Variants in CRYZ observed in about 807,000 individuals in gnomAD.
CRYZ encodes the protein crystallin zeta.
CRYZ carries 35 observed loss-of-function variants against 34.1 expected under a neutral mutation model. The ratio of observed to expected loss-of-function variants is 1.03; its 90% CI spans 0.78 to 1.36. The LOEUF (loss-of-function observed/expected upper bound fraction) is 1.36. Among genes scored for constraint, CRYZ ranks in the 40% most tolerant of loss-of-function variants. The pLI, the probability that CRYZ is intolerant of heterozygous loss-of-function variation, is 0.00. For missense variants in CRYZ, 403 were observed against 391.8 expected, an observed-to-expected ratio of 1.03 and a Z score of -0.24; for synonymous variants, 137 against 136.5, an observed-to-expected ratio of 1.00 and a Z score of -0.03.
At chr1:74,714,544 A>G (rs774209827) in intron 5 of CRYZ, 35 bp downstream of exon 5, 1 of 1,598,178 alleles carries the variant, frequency 6.3e-7, no homozygotes, top group Non-Finnish European at 8.6e-7. Context: ...CATAAACCCA[A>G]GCTTGTTTCA....
intron 1 of CRYZ, among the ~76,000 whole-genome samples, chr1:74,727,287 C>G (rs1214061609): frequency 7.0e-6 from 1 of 143,660 alleles, no homozygotes; most frequent in Non-Finnish European, 1.6e-5. Flanking sequence ...TTTAAGGGAT[C>G]ACAGTTTCAC....
chr1:74,722,564 C>T (rs1272623618), intron 3 of CRYZ, among the ~76,000 whole-genome samples: 1 of 151,026 alleles, frequency 6.6e-6, no homozygotes, highest in Non-Finnish European at 1.5e-5. Context: ...GATGCTAGGA[C>T]ATGAGCTTAC....
chr1:74,720,115 G>A (rs901776394), intron 3 of CRYZ, among the ~76,000 whole-genome samples: 42 of 152,054 alleles, frequency 2.8e-4, no homozygotes, highest in African/African-American at 9.9e-4. Context: ...AGATCAAGCA[G>A]CTAGTAAATA....
At chr1:74,723,727 T>C (rs1647208370) in intron 2 of CRYZ, among the ~76,000 whole-genome samples, 1 of 152,220 alleles carries the variant, frequency 6.6e-6, no homozygotes, top group African/African-American at 2.4e-5. Flanking sequence ...TCTTCTTCCA[T>C]GGAGACCCTG....
At chr1:74,714,654 A>C in intron 4 of CRYZ, 24 bp from the exon 5 acceptor site, 6 of 1,612,548 alleles carry the variant, frequency 3.7e-6, no homozygotes, top group Non-Finnish European at 5.1e-6. Flanking sequence ...CATAAGTTAC[A>C]TCACCTTATT....
chr1:74,719,452 AATAAG>A, intron 3 of CRYZ, 80 bp from the exon 4 acceptor site: 1 of 1,323,160 alleles, frequency 7.6e-7, no homozygotes, highest in South Asian at 1.4e-5. Flanking sequence ...TATAACAAGA[AATAAG>A]TGAGTACTCA....
chr1:74,719,445 A>G (rs1295263324), intron 3 of CRYZ, 73 bp from the exon 4 acceptor site: 8 of 1,390,202 alleles, frequency 5.8e-6, no homozygotes, highest in Non-Finnish European at 6.8e-6. Context: ...AATCCTTTAT[A>G]ACAAGAAATA....
chr1:74,716,583 G>A (rs1647078678), intron 4 of CRYZ, among the ~76,000 whole-genome samples: 1 of 152,122 alleles, frequency 6.6e-6, no homozygotes. Context: ...CTCTCTCCCA[G>A]GGCTTAACTA....
At chr1:74,718,464 C>G (rs1407570314) in intron 4 of CRYZ, among the ~76,000 whole-genome samples, 3 of 152,096 alleles carry the variant, frequency 2.0e-5, no homozygotes, top group South Asian at 2.1e-4. Context: ...TCTTTTACAA[C>G]CTGAATTCTA....
At chr1:74,715,006 G>C (rs1225799366) in intron 4 of CRYZ, among the ~76,000 whole-genome samples, 2 of 152,030 alleles carry the variant, frequency 1.3e-5, no homozygotes, top group Non-Finnish European at 2.9e-5. Flanking sequence ...CCTCAAAGCA[G>C]GTTTATTATA....
At chr1:74,727,339 G>A (rs564219411) in intron 1 of CRYZ, among the ~76,000 whole-genome samples, 1 of 149,332 alleles carries the variant, frequency 6.7e-6, no homozygotes, top group Admixed American at 6.8e-5. Flanking sequence ...GGAGAACAAA[G>A]GCACAACTTG....
At chr1:74,713,723 C>A (rs1462675854) in intron 5 of CRYZ, among the ~76,000 whole-genome samples, 2 of 152,148 alleles carry the variant, frequency 1.3e-5, no homozygotes, top group African/African-American at 4.8e-5. Context: ...TTACTTCTTT[C>A]AATCCACTCT....
chr1:74,715,908 GT>G lies in CRYZ; in HGVS notation c.429-1279del, dbSNP rs554351801. On this transcript the variant is annotated intron_variant, in intron 4 of 8. Transcript: ENST00000340866. The stretch of plus-strand genomic sequence containing the variant: ...AACATTACTCTGTTACAGAAACAGT[GT>G]TTTTTTTTTTTTTTCGAATGAGATT... Among the ~76,000 whole-genome samples, 1,077 of 135,032 alleles carry G rather than the reference GT, an allele frequency of 8.0e-3. 8 individuals are homozygous for G. Among genetic ancestry groups the G allele is most frequent in the African/African-American group, 0.021 (771 of 36,754 alleles). 88.6% of individuals were successfully genotyped at this position (135,032 alleles called of 152,430 possible).
chr1:74,706,318 C>A lies in CRYZ; in HGVS notation c.968G>T (p.Gly323Val), dbSNP rs1234662736. ...TCATCATAAGAGAAGAATCATTTTTCCAGTAGCCCCACTACCATGAATGAT... is the reference window on the plus strand; with the variant it reads ...TCATCATAAGAGAAGAATCATTTTTACAGTAGCCCCACTACCATGAATGAT... ...ENIIHGSGAT[G>V]KMILLL is the part of the protein sequence containing the mutation. Residue 323 changes from glycine (G) to valine (V), a missense_variant, in exon 9 of 9, where the codon GGA (glycine) becomes GTA (valine). By Grantham distance (109) the Gly-to-Val change is moderately radical. Coordinates refer to ENST00000340866, the MANE Select transcript of CRYZ (RefSeq NM_001889.4). 4 of 1,603,442 alleles carry A rather than the reference C, an allele frequency of 2.5e-6. No individual in the cohort carries two copies. Among genetic ancestry groups the A allele is most frequent in the Non-Finnish European group, 3.4e-6 (4 of 1,176,812 alleles).
intron 2 of CRYZ, 126 bp downstream of exon 2, chr1:74,724,585 T>G (rs900309919): frequency 4.9e-6 from 3 of 614,206 alleles, no homozygotes; most frequent in East Asian, 5.6e-5. Flanking sequence ...TATGTATACA[T>G]AGTGTAAACT....
chr1:74,710,283 T>C lies in CRYZ; in HGVS notation c.481-36A>G, dbSNP rs1044843179. ...AATATAACCCAAGAGTTATATATTC[T>C]CTACACTCCTGTAAACACTTAAATA... is the stretch of plus-strand genomic sequence containing the variant. On this transcript the variant is annotated intron_variant, in intron 5 of 8. Coordinates refer to ENST00000340866, the MANE Select transcript of CRYZ (RefSeq NM_001889.4). 3.7e-6 allele frequency: 6 copies of C among 1,604,222 alleles called. No homozygotes were observed. In the African/African-American group the frequency reaches 4.0e-5, roughly 11 times the overall value.
chr1:74,718,954 A>G (rs900155870), intron 4 of CRYZ, among the ~76,000 whole-genome samples: 4 of 152,148 alleles, frequency 2.6e-5, no homozygotes, highest in Non-Finnish European at 4.4e-5. Context: ...TCCACATTAT[A>G]TATAAATATG....
chr1:74,724,229 G>T (rs766345970), intron 2 of CRYZ, among the ~76,000 whole-genome samples: 1 of 152,128 alleles, frequency 6.6e-6, no homozygotes, highest in Non-Finnish European at 1.5e-5. Context: ...TTAGACTTGG[G>T]AGCCATGGAG....
intron 1 of CRYZ, 85 bp from the exon 2 acceptor site, chr1:74,724,919 C>A (rs1647259371): frequency 1.5e-6 from 1 of 687,612 alleles, no homozygotes; most frequent in East Asian, 2.7e-5. Context: ...GCAGATCAAA[C>A]AATTTTTTCA....
Sources: gnomAD v4.1 joint callset for allele counts (sites outside exome capture counted in the v4.1 genomes callset) on GRCh38, gnomAD v4.1.1 for gene constraint, MANE v1.5 for transcripts, NCBI Gene and HGNC (gene_info 2026-07-23, HGNC 2026-07-21) for gene names.